Variants in AGL observed in about 807,000 individuals in gnomAD.
AGL encodes the protein amylo-alpha-1,6-glucosidase and 4-alpha-glucanotransferase.
AGL carries 128 observed loss-of-function variants against 199.3 expected under a neutral mutation model. That is an observed-to-expected ratio of 0.64 (90% CI 0.56 to 0.74). The LOEUF (loss-of-function observed/expected upper bound fraction) is 0.74. Among genes scored for constraint, AGL ranks in the 30% least tolerant of loss-of-function variants. AGL has a pLI of 0.00. For missense variants in AGL, 1,809 were observed against 1,820.8 expected (o/e 0.99, Z 0.12); for synonymous variants, 584 against 594.7 (o/e 0.98, Z 0.26).
At chr1:99,874,437 CTTTCT>C (rs1651314213) in intron 7 of AGL, 1 of 362,478 alleles carries the variant, frequency 2.8e-6, no homozygotes, top group Non-Finnish European at 5.0e-6. Flanking sequence ...ATCCTTGTGT[CTTTCT>C]TTTATGTTAT....
Position 99,910,687 on chromosome 1 carries a change from ATTTTATACACATT to A in AGL, c.3701-22_3701-10del. ...CTATATATAATACTTATAAAATTTTATTTTATACACATTTTGTTTTTTAGGTTTTAATATAACT... is the reference window on the plus strand; with the variant it reads ...CTATATATAATACTTATAAAATTTTATTGTTTTTTAGGTTTTAATATAACT... On this transcript the variant is annotated splice_polypyrimidine_tract_variant and intron_variant, in intron 27 of 33. Coordinates refer to ENST00000361915, the MANE Select transcript of AGL (RefSeq NM_000642.3). 1 of 1,416,006 alleles carries A rather than the reference ATTTTATACACATT, an allele frequency of 7.1e-7. No individual in the cohort carries two copies. Among genetic ancestry groups the A allele is most frequent in the Non-Finnish European group, 9.7e-7 (1 of 1,030,496 alleles). The allele number at this position is 1,416,006 out of a possible 1,614,324, so 87.7% of individuals were successfully genotyped here. A position where few individuals can be genotyped will look rare whatever the true frequency, so the allele number is the denominator to read the frequency against.
Position 99,884,229 on chromosome 1 carries a change from T to G in AGL, c.2418T>G (p.Ile806Met), listed in dbSNP as rs780678357. 4 of 1,613,204 alleles carry G rather than the reference T, an allele frequency of 2.5e-6. No individual in the cohort carries two copies. Among genetic ancestry groups the G allele is most frequent in the Non-Finnish European group, 3.4e-6 (4 of 1,179,492 alleles). Residue 806 changes from isoleucine to methionine, a missense_variant, in exon 18 of 34, where the codon ATT (isoleucine) becomes ATG (methionine). Coordinates refer to ENST00000361915, the MANE Select transcript of AGL (RefSeq NM_000642.3). ...INGTPDITVE[I>M]REHIQLNESK... is the part of the protein sequence containing the mutation. ...GAACACCAGATATCACAGTAGAAAT[T>G]AGAGAACATATTCAGGTATTTGGGA...
intron 2 of AGL, among the ~76,000 whole-genome samples, chr1:99,857,460 C>T (rs1490511516): frequency 1.9e-4 from 29 of 152,092 alleles, no homozygotes; most frequent in East Asian, 1.2e-3. Context: ...CCAAGGCAGG[C>T]GGCTGGGAGG....
At chr1:99,920,512 C>T (rs1211032875) in intron 33 of AGL, among the ~76,000 whole-genome samples, 1 of 152,214 alleles carries the variant, frequency 6.6e-6, no homozygotes, top group African/African-American at 2.4e-5. Flanking sequence ...GCCCAGGTAT[C>T]CAACTTCAGT....
At chr1:99,898,551 A>G (rs940356935) in intron 25 of AGL, among the ~76,000 whole-genome samples, 1 of 152,184 alleles carries the variant, frequency 6.6e-6, no homozygotes, top group African/African-American at 2.4e-5. Context: ...TAGCTGCCAT[A>G]AATTATAAAC....
Position 99,864,475 on chromosome 1 carries a change from G to A in AGL, c.550G>A (p.Asp184Asn). 6.2e-7 allele frequency: 1 copy of A among 1,613,646 alleles called. No individual in the cohort carries two copies. The highest frequency in any genetic ancestry group is 1.7e-5 in the Admixed American group (1 of 60,014). Reference sequence around the variant, plus strand: ...TGCCAATCAGTTAGAATTAAATCCTGACTTTTCAAGACCTAATAGAAAGTA... The same window carrying A: ...TGCCAATCAGTTAGAATTAAATCCTAACTTTTCAAGACCTAATAGAAAGTA... ...SLANQLELNP[D>N]FSRPNRKYTW... is the part of the protein sequence containing the mutation. The change falls in exon 5 of 34, where the codon GAC becomes AAC. Residue 184 changes from aspartate to asparagine, a missense_variant. By Grantham distance (23) the Asp-to-Asn change is conservative (BLOSUM62 1). Transcript: ENST00000361915.
chr1:99,900,791 A>T lies in AGL; in HGVS notation c.3518A>T (p.Asp1173Val). 6.2e-7 allele frequency: 1 copy of T among 1,614,056 alleles called. No individual in the cohort carries two copies. The highest frequency in any genetic ancestry group is 8.5e-7 in the Non-Finnish European group (1 of 1,179,992). Residue 1173 changes from aspartate (D) to valine (V), a missense_variant, in exon 26 of 34, where the codon GAC becomes GTC. Physicochemically the swap from Asp to Val is radical, Grantham distance 152 (BLOSUM62 -3). Coordinates refer to ENST00000361915, the MANE Select transcript of AGL (RefSeq NM_000642.3). Reference protein sequence around the residue: ...DYCKMVPNGLDILKCPVSRMY... With the variant: ...DYCKMVPNGLVILKCPVSRMY... ...TGTAAAATGGTTCCAAATGGTCTAG[A>T]CATTCTCAAGTGCCCAGTTTCCAGA...
intron 27 of AGL, among the ~76,000 whole-genome samples, chr1:99,904,202 C>CATA (rs1200529168): frequency 1.3e-5 from 2 of 152,218 alleles, no homozygotes; most frequent in African/African-American, 4.8e-5. Context: ...GGCACACTAT[C>CATA]ATCGCCGCCA....
chr1:99,862,144 ATAAATACATTT>A (rs775007112), intron 3 of AGL, 102 bp from the exon 4 acceptor site: 10 of 1,127,294 alleles, frequency 8.9e-6, no homozygotes, highest in Non-Finnish European at 1.3e-5. Context: ...GTGCTTAGAA[ATAAATACATTT>A]TATTTGGGAC....
At position 99,907,939 on chromosome 1, in the gene AGL, T is replaced by C. The variant is rs147840128; in HGVS notation, c.3701-2773T>C. On this transcript the variant is annotated intron_variant, in intron 27 of 33. Transcript: ENST00000361915. ...TACGAAACACTTATTAGATATGGTT[T>C]GCAAATATTTTCTCCCATATTGTGG... Among the ~76,000 whole-genome samples, 760 of 152,244 alleles carry C rather than the reference T, an allele frequency of 5.0e-3. 5 individuals carry two copies. The highest frequency in any genetic ancestry group is 8.7e-3 in the Non-Finnish European group (594 of 67,984).
chr1:99,880,037 T>A lies in AGL; in HGVS notation c.1726T>A (p.Leu576Ile). The part of the protein sequence containing the change: ...VFVTRLGISS[L>I]IREAMSAYNS... ...TGTTACTAGACTGGGCATTAGTTCC[T>A]TAATAAGAGGTAGGCTTGTTGGAGT... The change falls in exon 13 of 34, where the codon TTA becomes ATA. Residue 576 changes from leucine to isoleucine, a missense_variant. Physicochemically the swap from Leu to Ile is conservative, Grantham distance 5. Transcript: ENST00000361915. 1 of 1,613,482 alleles carries A rather than the reference T, an allele frequency of 6.2e-7. No homozygotes were observed.
At chr1:99,919,902 C>T (rs1381615879) in intron 33 of AGL, among the ~76,000 whole-genome samples, 1 of 152,194 alleles carries the variant, frequency 6.6e-6, no homozygotes, top group Non-Finnish European at 1.5e-5. Flanking sequence ...ACTCCCTCTT[C>T]ATACCTCTTG....
In AGL at chr1:99,880,688, G is replaced by A; in HGVS notation, c.1792G>A (p.Gly598Arg). ...EEGRLVYRYG[G>R]EPVGSFVQPC... ...GGGCAGATTAGTTTACCGATATGGA[G>A]GAGAACCTGTTGGATCCTTTGTTCA... The change falls in exon 14 of 34, where the codon GGA becomes AGA. Residue 598 changes from glycine to arginine, a missense_variant. Coordinates refer to ENST00000361915, the MANE Select transcript of AGL (RefSeq NM_000642.3). The A allele has an allele frequency of 2.5e-6, 4 of 1,614,064 alleles. No individual in the cohort carries two copies. The highest frequency in any genetic ancestry group is 3.4e-6 in the Non-Finnish European group (4 of 1,179,942).
At position 99,864,500 on chromosome 1, in the gene AGL, A is replaced by C; in HGVS notation, c.575A>C (p.Tyr192Ser). 6.2e-7 allele frequency: 1 copy of C among 1,613,936 alleles called. No individual in the cohort carries two copies. Among genetic ancestry groups the C allele is most frequent in the Non-Finnish European group, 8.5e-7 (1 of 1,179,854 alleles). The change falls in exon 5 of 34, where the codon TAT becomes TCT. Residue 192 changes from tyrosine (Y) to serine (S), a missense_variant. By Grantham distance (144) the Tyr-to-Ser change is moderately radical. Coordinates refer to ENST00000361915, the MANE Select transcript of AGL (RefSeq NM_000642.3). ...GACTTTTCAAGACCTAATAGAAAGT[A>C]TACCTGGAATGATGTTGGACAGCTA... ...NPDFSRPNRK[Y>S]TWNDVGQLVE...
intron 23 of AGL, among the ~76,000 whole-genome samples, chr1:99,891,951 A>C (rs1652931188): frequency 6.6e-6 from 1 of 152,180 alleles, no homozygotes; most frequent in Admixed American, 6.5e-5. Flanking sequence ...AAAAGCTAAT[A>C]AAACATATTG....
rs1412793734 is a variant in AGL at position 99,881,128 on chromosome 1, G to A, written c.1952G>A (p.Cys651Tyr). 6.2e-7 allele frequency: 1 copy of A among 1,614,036 alleles called. No individual in the cohort carries two copies. The highest frequency in any genetic ancestry group is 8.5e-7 in the Non-Finnish European group (1 of 1,179,972). The change falls in exon 15 of 34, where the codon TGT (cysteine) becomes TAT (tyrosine). Residue 651 changes from cysteine to tyrosine, a missense_variant. Coordinates refer to ENST00000361915, the MANE Select transcript of AGL (RefSeq NM_000642.3). ...LPSTTIVSMA[C>Y]CASGSTRGYD... ...AGTACTACAATTGTTTCTATGGCAT[G>A]TTGTGCTAGTGGAAGTACAAGAGGC...
intron 7 of AGL, 135 bp from the exon 8 acceptor site, chr1:99,874,552 T>A (rs1049483229): frequency 2.4e-6 from 2 of 849,070 alleles, no homozygotes; most frequent in Admixed American, 2.1e-5. Context: ...GGGGAGGAGG[T>A]AGGAGGATAC....
At chr1:99,849,379 G>A (rs913984531), upstream of AGL, among the ~76,000 whole-genome samples, 5 of 152,110 alleles carry the variant, frequency 3.3e-5, no homozygotes, top group African/African-American at 9.6e-5. Context: ...TAACCATTAG[G>A]AGCCCTCCAA....
intron 2 of AGL, among the ~76,000 whole-genome samples, chr1:99,857,257 G>A (rs1312650598): frequency 5.9e-5 from 9 of 151,966 alleles, no homozygotes; most frequent in Non-Finnish European, 1.2e-4. Flanking sequence ...GACGATGGGC[G>A]GCCGGGCAGA....
Sources: gnomAD v4.1 joint callset for allele counts (sites outside exome capture counted in the v4.1 genomes callset) on GRCh38, gnomAD v4.1.1 for gene constraint, MANE v1.5 for transcripts, NCBI Gene and HGNC (gene_info 2026-07-23, HGNC 2026-07-21) for gene names.